Variants in CRADD observed in about 807,000 individuals in gnomAD.
CRADD encodes death domain-containing protein CRADD.
Under a neutral mutation model 15.5 loss-of-function variants are expected in CRADD, and 9 were observed. The ratio of observed to expected loss-of-function variants is 0.58; its 90% confidence interval spans 0.35 to 1.01. The LOEUF is 1.01. Ranked by LOEUF, CRADD falls within the 50% of genes least tolerant of loss-of-function variation. The probability of loss-of-function intolerance (pLI) is 0.02; values close to 1 mark genes in which losing one functional copy is unlikely to be tolerated. For missense variants in CRADD, 227 were observed against 250.3 expected, an observed-to-expected ratio of 0.91 and a Z score of 0.63; for synonymous variants, 118 against 107.6, an observed-to-expected ratio of 1.10 and a Z score of -0.60.
intron 2 of CRADD, among the ~76,000 whole-genome samples, chr12:93,867,829 T>C (rs1287582763): frequency 6.6e-6 from 1 of 152,066 alleles, no homozygotes; most frequent in East Asian, 1.9e-4. Context: ...TGTTTTTGAG[T>C]GGGGGGCCCA....
intron 2 of CRADD, chr12:93,738,246 TG>T (rs1263475338): frequency 3.2e-6 from 2 of 632,670 alleles, no homozygotes; most frequent in African/African-American, 3.7e-5. Context: ...GGTGGGGAGC[TG>T]GAGAAGAGAA....
Position 93,805,575 on chromosome 12 carries a change from TATAAATAA to T in CRADD, c.299-44377_299-44370del, listed in dbSNP as rs10671111. 4.0e-5 allele frequency among the ~76,000 whole-genome samples: 6 copies of T among 150,188 alleles called. 1 individual carries two copies. In the Middle Eastern group the frequency reaches 0.014, roughly 341 times the overall value. Reference sequence around the variant, plus strand: ...GTGAAAAAGAACAGTGTTTTGTGTGTATAAATAAATAAATAAATAAATAAAAATAAAAA... The same window carrying T: ...GTGAAAAAGAACAGTGTTTTGTGTGTATAAATAAATAAATAAAAATAAAAA... On this transcript the variant is annotated intron_variant, in intron 2 of 2. Coordinates refer to ENST00000332896, the MANE Select transcript of CRADD (RefSeq NM_003805.5).
At chr12:93,760,902 T>G (rs897791809) in intron 2 of CRADD, among the ~76,000 whole-genome samples, 7 of 151,922 alleles carry the variant, frequency 4.6e-5, no homozygotes, top group African/African-American at 1.7e-4. Context: ...GTGAGTGACA[T>G]TTGAGCCAAA....
At chr12:93,765,043 T>C (rs140859483) in intron 2 of CRADD, among the ~76,000 whole-genome samples, 62 of 152,100 alleles carry the variant, frequency 4.1e-4, no homozygotes, top group African/African-American at 1.4e-3. Flanking sequence ...GGTTGAGATA[T>C]GGCTGAATGG....
At chr12:93,837,750 AAT>A (rs1435083224) in intron 2 of CRADD, 3 of 152,246 alleles carry the variant, frequency 2.0e-5, no homozygotes, top group East Asian at 3.8e-4. Flanking sequence ...TAAAAAAGAT[AAT>A]ATGTTTTATT....
At chr12:93,721,732 C>A (rs1276526630) in intron 2 of CRADD, among the ~76,000 whole-genome samples, 1 of 152,152 alleles carries the variant, frequency 6.6e-6, no homozygotes, top group Non-Finnish European at 1.5e-5. Context: ...ATATAAGGGA[C>A]TTGAGCATTC....
chr12:93,799,909 G>A (rs751039718), intron 2 of CRADD, among the ~76,000 whole-genome samples: 2 of 152,178 alleles, frequency 1.3e-5, no homozygotes. Flanking sequence ...GAATATGCCA[G>A]CTTAAAATTC....
In CRADD at chr12:93,718,132, T is replaced by C. The variant is rs74934843; in HGVS notation, c.298+39060T>C. Among the ~76,000 whole-genome samples the C allele has an allele frequency of 9.5e-3, 1,454 of 152,326 alleles. 17 individuals carry two copies. Among genetic ancestry groups the C allele is most frequent in the African/African-American group, 0.034 (1,395 of 41,568 alleles). On this transcript the variant is annotated intron_variant, in intron 2 of 2. Coordinates refer to ENST00000332896, the MANE Select transcript of CRADD (RefSeq NM_003805.5). ...GTGGCAGTCCTTAAACTTTGTCCTT[T>C]AACATTGAGTTGGCTGTTCTGGGTC...
intron 2 of CRADD, among the ~76,000 whole-genome samples, chr12:93,764,125 T>C (rs1190931916): frequency 2.0e-5 from 3 of 151,954 alleles, no homozygotes; most frequent in African/African-American, 7.3e-5. Context: ...CACATTATGG[T>C]TTTAGGATGT....
chr12:93,816,399 G>A (rs1376258822), intron 2 of CRADD, among the ~76,000 whole-genome samples: 2 of 24,630 alleles, frequency 8.1e-5, no homozygotes, highest in Non-Finnish European at 1.6e-4. Context: ...TTTTTTTTTT[G>A]GATTTTTGGT....
At chr12:93,872,711 C>T (rs548929890) in intron 2 of CRADD, among the ~76,000 whole-genome samples, 1 of 151,996 alleles carries the variant, frequency 6.6e-6, no homozygotes, top group African/African-American at 2.4e-5. Flanking sequence ...AAAGTGTTTT[C>T]ATCCTAGGTG....
chr12:93,694,108 T>A (rs1348871181), intron 2 of CRADD, among the ~76,000 whole-genome samples: 1 of 152,006 alleles, frequency 6.6e-6, no homozygotes, highest in African/African-American at 2.4e-5. Context: ...AAACTGAATT[T>A]AACAGCACAG....
chr12:93,876,789 G>A, intron 2 of CRADD, among the ~76,000 whole-genome samples: 1 of 152,014 alleles, frequency 6.6e-6, no homozygotes, highest in Admixed American at 6.5e-5. Flanking sequence ...CTGCCTGAAA[G>A]GTCACATATC....
chr12:93,688,725 C>T, intron 2 of CRADD, among the ~76,000 whole-genome samples: 1 of 152,172 alleles, frequency 6.6e-6, no homozygotes. Flanking sequence ...TGTTAAATAA[C>T]TTACTTAAAG....
intron 2 of CRADD, among the ~76,000 whole-genome samples, chr12:93,832,312 T>C (rs1308504986): frequency 6.6e-6 from 1 of 152,206 alleles, no homozygotes; most frequent in Non-Finnish European, 1.5e-5. Context: ...TTGGTAAATT[T>C]GCGTGACATC....
At chr12:93,894,333 C>T in exon 3 of CRADD, 1 of 576,726 alleles carries the variant, frequency 1.7e-6, no homozygotes, top group Non-Finnish European at 3.1e-6. Context: ...GCTGCTAAAC[C>T]TACAATGCTC....
At chr12:93,744,483 C>T (rs1956724651) in intron 2 of CRADD, among the ~76,000 whole-genome samples, 1 of 152,180 alleles carries the variant, frequency 6.6e-6, no homozygotes, top group Non-Finnish European at 1.5e-5. Flanking sequence ...ATAATCCAGG[C>T]TAATCTCGCT....
chr12:93,888,987 G>A (rs1167245419), intron 2 of CRADD, among the ~76,000 whole-genome samples: 1 of 152,170 alleles, frequency 6.6e-6, no homozygotes, highest in Non-Finnish European at 1.5e-5. Flanking sequence ...GAGTGGTGGG[G>A]TACAGCCAAG....
At chr12:93,692,963 ATGG>A (rs1955608233) in intron 2 of CRADD, among the ~76,000 whole-genome samples, 1 of 152,172 alleles carries the variant, frequency 6.6e-6, no homozygotes, top group Admixed American at 6.5e-5. Flanking sequence ...TATGGGGGTG[ATGG>A]TGGAGTAAAG....
Sources: gnomAD v4.1 joint callset for allele counts (sites outside exome capture counted in the v4.1 genomes callset) on GRCh38, gnomAD v4.1.1 for gene constraint, MANE v1.5 for transcripts, NCBI Gene and HGNC (gene_info 2026-07-23, HGNC 2026-07-21) for gene names.